Variants in GDPD4 observed in about 807,000 individuals in gnomAD.
GDPD4 encodes glycerophosphodiester phosphodiesterase 6.
Under a neutral mutation model 67.8 loss-of-function variants are expected in GDPD4, and 60 were observed. The ratio of observed to expected loss-of-function variants is 0.88; its 90% CI spans 0.72 to 1.10. The LOEUF is 1.10. Ranked by LOEUF, GDPD4 falls within the 50% of genes least tolerant of loss-of-function variation. The pLI is 0.00. For missense variants in GDPD4, 623 were observed against 613.9 expected (o/e 1.01, Z -0.16); for synonymous variants, 212 against 210.9 (o/e 1.00, Z -0.04).
chr11:77,227,842 T>C lies in GDPD4; in HGVS notation c.1525+22A>G, dbSNP rs764286149. The C allele has an allele frequency of 3.8e-6, 6 of 1,590,834 alleles. 1 individual carries two copies. The South Asian group carries it at 4.4e-5, about 12-fold the overall frequency. On this transcript the variant is annotated intron_variant, in intron 16 of 16. Transcript: ENST00000315938. ...ATGGGTAGGGATGAAGAGACAGGAG[T>C]GGGCTAGGCCTCTGACTTTACCTGT...
At chr11:77,237,962 C>G (rs1242689383) in intron 13 of GDPD4, among the ~76,000 whole-genome samples, 1 of 152,048 alleles carries the variant, frequency 6.6e-6, no homozygotes, top group African/African-American at 2.4e-5. Flanking sequence ...TAAATGTTTA[C>G]ATTAGAAAGA....
intron 11 of GDPD4, among the ~76,000 whole-genome samples, chr11:77,246,788 G>A (rs10899365): frequency 0.26 from 38,891 of 152,048 alleles, 6,105 homozygotes; most frequent in South Asian, 0.43. Context: ...GGTGGGAACT[G>A]TCATACATTC....
rs750773770 is a variant in GDPD4, at chr11:77,268,452, C to T, written c.707+5G>A. 6.2e-7 allele frequency: 1 copy of T among 1,601,984 alleles called. No individual in the cohort carries two copies. Among genetic ancestry groups the T allele is most frequent in the Admixed American group, 1.7e-5 (1 of 59,978 alleles). ...TCCCCTCACCCCAGTTCCCTGCTTT[C>T]TTACCTTAAGTGTATATCAGTCTCC... On this transcript the variant is annotated splice_donor_5th_base_variant and intron_variant, in intron 10 of 16. Coordinates refer to ENST00000315938, the MANE Select transcript of GDPD4 (RefSeq NM_182833.3).
chr11:77,267,842 T>C (rs1959185404), intron 10 of GDPD4, among the ~76,000 whole-genome samples: 1 of 152,020 alleles, frequency 6.6e-6, no homozygotes, highest in Non-Finnish European at 1.5e-5. Context: ...CCTTCCCCCA[T>C]CTCTGCTTGG....
chr11:77,241,154 G>A (rs924719689), intron 13 of GDPD4, among the ~76,000 whole-genome samples: 9 of 152,188 alleles, frequency 5.9e-5, no homozygotes, highest in Non-Finnish European at 8.8e-5. Flanking sequence ...ACTATTCACA[G>A]TAGCCAAGAT....
At position 77,269,969 on chromosome 11, in the gene GDPD4, T is replaced by C. The variant is rs1171599052; in HGVS notation, c.401-9A>G. The C allele has an allele frequency of 2.1e-6, 3 of 1,440,388 alleles. No homozygotes were observed. Among genetic ancestry groups the C allele is most frequent in the African/African-American group, 1.4e-5 (1 of 70,670 alleles). The allele number at this position is 1,440,388 out of a possible 1,614,324, so 89.2% of individuals were successfully genotyped here. A position where few individuals can be genotyped will look rare whatever the true frequency, so the allele number is the denominator to read the frequency against. On this transcript the variant is annotated splice_polypyrimidine_tract_variant and intron_variant, in intron 7 of 16. Transcript: ENST00000315938. The stretch of plus-strand genomic sequence containing the variant: ...GTATCTTCTCATTCTAACTAAAATT[T>C]AGAAAGTGAAAAAGAAAAGAGTTCA...
At chr11:77,267,636 A>C (rs1178259924) in intron 10 of GDPD4, among the ~76,000 whole-genome samples, 1 of 152,058 alleles carries the variant, frequency 6.6e-6, no homozygotes, top group Non-Finnish European at 1.5e-5. Flanking sequence ...CCATTTTCTA[A>C]TTGGATTGTT....
chr11:77,263,341 T>C (rs1670458), intron 10 of GDPD4, among the ~76,000 whole-genome samples: 29,271 of 152,132 alleles, frequency 0.19, 3,739 homozygotes, highest in Non-Finnish European at 0.27. Flanking sequence ...GAAATGTTAG[T>C]GTACTGATAA....
intron 12 of GDPD4, among the ~76,000 whole-genome samples, 189 bp downstream of exon 12, chr11:77,245,092 T>C (rs1046132312): frequency 6.6e-5 from 10 of 152,238 alleles, no homozygotes; most frequent in African/African-American, 2.4e-4. Flanking sequence ...CCCACTGAGA[T>C]AAATTTAACT....
intron 15 of GDPD4, among the ~76,000 whole-genome samples, chr11:77,228,661 C>T (rs764087427): frequency 6.6e-6 from 1 of 152,042 alleles, no homozygotes; most frequent in Non-Finnish European, 1.5e-5. Context: ...GCACTCCAGC[C>T]TGGGCAATAG....
At chr11:77,222,039 G>A (rs1050465778) in intron 16 of GDPD4, among the ~76,000 whole-genome samples, 19 of 152,234 alleles carry the variant, frequency 1.2e-4, no homozygotes, top group African/African-American at 4.6e-4. Context: ...CAGAGACTAG[G>A]ATTGCAACCC....
At position 77,256,958 on chromosome 11, in the gene GDPD4, GT is replaced by G. The variant is rs534220045; in HGVS notation, c.864+1427del. On this transcript the variant is annotated intron_variant, in intron 11 of 16. Transcript: ENST00000315938. ...TAGCAAAACAAAATGGACAAACACA[GT>G]AGGTAAGTCCATCTGTACATAATTC... 2.6e-5 allele frequency among the ~76,000 whole-genome samples: 4 copies of G among 152,288 alleles called. No individual in the cohort carries two copies. In the South Asian group the frequency reaches 6.2e-4, roughly 24 times the overall value.
At chr11:77,259,178 T>C (rs1324162098) in intron 10 of GDPD4, among the ~76,000 whole-genome samples, 4 of 151,966 alleles carry the variant, frequency 2.6e-5, no homozygotes, top group African/African-American at 9.7e-5. Flanking sequence ...CAGGATTTTG[T>C]CATGTTGGCC....
At chr11:77,238,034 A>T (rs560250597) in intron 13 of GDPD4, among the ~76,000 whole-genome samples, 1 of 152,364 alleles carries the variant, frequency 6.6e-6, no homozygotes, top group East Asian at 1.9e-4. Flanking sequence ...CAAGAACAGC[A>T]AATTAAAACT....
intron 2 of GDPD4, 186 bp downstream of exon 2, chr11:77,287,032 G>T (rs1214316652): frequency 6.6e-6 from 1 of 152,080 alleles, no homozygotes; most frequent in Non-Finnish European, 1.5e-5. Flanking sequence ...TGAAGTGAAG[G>T]AAAGAAAATG....
intron 1 of GDPD4, among the ~76,000 whole-genome samples, chr11:77,296,227 C>T (rs1937952901): frequency 8.4e-6 from 1 of 119,250 alleles, no homozygotes; most frequent in Non-Finnish European, 1.6e-5. Context: ...CTCCAGCCTG[C>T]GGGACAGAGC....
intron 14 of GDPD4, among the ~76,000 whole-genome samples, chr11:77,230,260 G>C (rs1172538933): frequency 6.6e-6 from 1 of 152,098 alleles, no homozygotes. Flanking sequence ...TGTTCACAAA[G>C]AATCAGTTAT....
chr11:77,235,009 GTTTTTTTTTTTTTTTTTT>G (rs57989259), intron 13 of GDPD4, among the ~76,000 whole-genome samples: 1 of 52,254 alleles, frequency 1.9e-5, no homozygotes, highest in African/African-American at 6.3e-5. Context: ...GTCAATATCT[GTTTTTTTTTTTTTTTTTT>G]TTTTTTTTTT....
rs117638406 is a variant in GDPD4 at position 77,232,402 on chromosome 11, T to C, written c.1389+623A>G. On this transcript the variant is annotated intron_variant, in intron 14 of 16. Coordinates refer to ENST00000315938, the MANE Select transcript of GDPD4 (RefSeq NM_182833.3). ...CAGATAAGAACAAGTTCTGTAGCAG[T>C]AACTGGTTAGCTAGGGCTCCCTCCA... Among the ~76,000 whole-genome samples, 48 of 152,362 alleles carry C rather than the reference T, an allele frequency of 3.2e-4. 2 individuals are homozygous for C. In the East Asian group the frequency reaches 9.2e-3, roughly 29 times the overall value.
Sources: gnomAD v4.1 joint callset for allele counts (sites outside exome capture counted in the v4.1 genomes callset) on GRCh38, gnomAD v4.1.1 for gene constraint, MANE v1.5 for transcripts, NCBI Gene and HGNC (gene_info 2026-07-23, HGNC 2026-07-21) for gene names.